Variants in LDB2 observed in about 807,000 individuals in gnomAD.
LDB2 encodes LIM domain binding 2.
Under a neutral mutation model 44.3 loss-of-function variants are expected in LDB2, and 12 were observed. That is an observed-to-expected ratio of 0.27 (90% CI 0.17 to 0.44). The LOEUF is 0.44. Among genes scored for constraint, LDB2 ranks in the 20% least tolerant of loss-of-function variants. The pLI, the probability that LDB2 is intolerant of heterozygous loss-of-function variation, is 1.00. For synonymous variants in LDB2, 164 were observed against 174.8 expected, an observed-to-expected ratio of 0.94 and a Z score of 0.49; for missense variants, 344 against 473.5, an observed-to-expected ratio of 0.73 and a Z score of 2.54.
intron 1 of LDB2, among the ~76,000 whole-genome samples, chr4:16,816,755 T>C (rs548801111): frequency 6.6e-6 from 1 of 152,326 alleles, no homozygotes; most frequent in South Asian, 2.1e-4. Flanking sequence ...TCATCCTGTT[T>C]TCTTTTTTGT....
At chr4:16,563,930 C>T in intron 5 of LDB2, among the ~76,000 whole-genome samples, 1 of 152,136 alleles carries the variant, frequency 6.6e-6, no homozygotes, top group Non-Finnish European at 1.5e-5. Flanking sequence ...GAAGCCCTGA[C>T]ATCAAAGATT....
chr4:16,780,964 C>T (rs1050132859), intron 1 of LDB2, among the ~76,000 whole-genome samples: 1 of 152,116 alleles, frequency 6.6e-6, no homozygotes, highest in South Asian at 2.1e-4. Context: ...GTCATCTTTC[C>T]ACTGAACCCC....
intron 1 of LDB2, among the ~76,000 whole-genome samples, chr4:16,770,103 T>A (rs1770318940): frequency 6.6e-6 from 1 of 152,252 alleles, no homozygotes. Flanking sequence ...TCAGTGTGTA[T>A]GTGCCAACAA....
chr4:16,694,848 G>A (rs1020134840), intron 2 of LDB2, among the ~76,000 whole-genome samples: 2 of 152,176 alleles, frequency 1.3e-5, no homozygotes, highest in African/African-American at 2.4e-5. Flanking sequence ...ACAGTGCCAG[G>A]AGTGTAATCA....
intron 1 of LDB2, among the ~76,000 whole-genome samples, chr4:16,880,635 T>A (rs1719778776): frequency 6.6e-6 from 1 of 152,144 alleles, no homozygotes; most frequent in Non-Finnish European, 1.5e-5. Context: ...ATTTCTGCCC[T>A]TGGCCCTGTG....
intron 2 of LDB2, among the ~76,000 whole-genome samples, chr4:16,747,385 T>C (rs1361042512): frequency 6.6e-6 from 1 of 152,220 alleles, no homozygotes; most frequent in African/African-American, 2.4e-5. Flanking sequence ...TAATTAGCGG[T>C]TTATTTACAT....
At chr4:16,892,965 A>G (rs762381504) in intron 1 of LDB2, 52 of 286,050 alleles carry the variant, frequency 1.8e-4, no homozygotes, top group Non-Finnish European at 2.5e-4. Context: ...TTGGCCTCCT[A>G]TGAATAGTTA....
At chr4:16,649,782 T>C (rs564734859) in intron 2 of LDB2, among the ~76,000 whole-genome samples, 1 of 152,342 alleles carries the variant, frequency 6.6e-6, no homozygotes, top group African/African-American at 2.4e-5. Context: ...TGACAGAACT[T>C]AGAGACTAGC....
chr4:16,874,570 G>GCTCCC (rs1717796585), intron 1 of LDB2, among the ~76,000 whole-genome samples: 3 of 152,336 alleles, frequency 2.0e-5, no homozygotes, highest in African/African-American at 7.2e-5. Flanking sequence ...ATAGTTGAGG[G>GCTCCC]TAAGAGTCAG....
chr4:16,586,527 AAACAC>A (rs1560554599), intron 4 of LDB2, among the ~76,000 whole-genome samples: 43 of 67,196 alleles, frequency 6.4e-4, no homozygotes, highest in Admixed American at 1.4e-3. Context: ...CACACACACA[AAACAC>A]ACACACACAC....
intron 2 of LDB2, among the ~76,000 whole-genome samples, chr4:16,680,705 T>G (rs1747613934): frequency 6.6e-6 from 1 of 152,230 alleles, no homozygotes; most frequent in Non-Finnish European, 1.5e-5. Flanking sequence ...TATTCATTGT[T>G]GTATTCAGAG....
chr4:16,749,811 A>G (rs1488374599), intron 2 of LDB2, among the ~76,000 whole-genome samples: 1 of 152,018 alleles, frequency 6.6e-6, no homozygotes, highest in Non-Finnish European at 1.5e-5. Context: ...CAACTGTTCA[A>G]GTTACAAATA....
chr4:16,721,287 T>C (rs1758230339), intron 2 of LDB2, among the ~76,000 whole-genome samples: 1 of 152,096 alleles, frequency 6.6e-6, no homozygotes, highest in African/African-American at 2.4e-5. Context: ...TTCTTAATTA[T>C]CCACATTGAT....
chr4:16,893,096 G>A (rs1468915345), intron 1 of LDB2: 2 of 969,796 alleles, frequency 2.1e-6, no homozygotes, highest in East Asian at 2.3e-4. Context: ...GCCATGTAGA[G>A]ATCCTGAAAA....
intron 1 of LDB2, among the ~76,000 whole-genome samples, chr4:16,886,535 G>A (rs1181750085): frequency 6.6e-6 from 1 of 152,022 alleles, no homozygotes; most frequent in African/African-American, 2.4e-5. Flanking sequence ...AATTAAAGAC[G>A]ATTTTCTTTA....
chr4:16,896,817 T>C (rs934467376), intron 1 of LDB2, among the ~76,000 whole-genome samples: 4 of 152,160 alleles, frequency 2.6e-5, no homozygotes, highest in African/African-American at 9.7e-5. Flanking sequence ...CAACACACAG[T>C]TGCAAAGATC....
chr4:16,801,671 C>T (rs1777859608), intron 1 of LDB2, among the ~76,000 whole-genome samples: 1 of 152,184 alleles, frequency 6.6e-6, no homozygotes, highest in South Asian at 2.1e-4. Flanking sequence ...TAATGTTCAT[C>T]ACTCTTCCTA....
chr4:16,674,816 G>GAC (rs796453616), intron 2 of LDB2, among the ~76,000 whole-genome samples: 62 of 151,104 alleles, frequency 4.1e-4, no homozygotes, highest in African/African-American at 8.5e-4. Context: ...CATATACACA[G>GAC]ACACACACAC....
At chr4:16,662,292 C>G (rs1385764427) in intron 2 of LDB2, among the ~76,000 whole-genome samples, 2 of 152,088 alleles carry the variant, frequency 1.3e-5, no homozygotes, top group Non-Finnish European at 2.9e-5. Flanking sequence ...AAACCCAACA[C>G]AGAAGACACT....
Sources: gnomAD v4.1 joint callset for allele counts (sites outside exome capture counted in the v4.1 genomes callset) on GRCh38, gnomAD v4.1.1 for gene constraint, MANE v1.5 for transcripts, NCBI Gene and HGNC (gene_info 2026-07-23, HGNC 2026-07-21) for gene names.